Variants in CNOT1 observed in about 807,000 individuals in gnomAD.
The protein encoded by CNOT1 is CCR4-associated factor 1.
A neutral mutation model predicts 273.8 loss-of-function variants in CNOT1; 15 were observed. The observed-to-expected ratio is 0.05, with a 90% CI of 0.04 to 0.08. The LOEUF (loss-of-function observed/expected upper bound fraction) is 0.08. Ranked by LOEUF, CNOT1 falls within the 10% of genes least tolerant of loss-of-function variation. The pLI is 1.00. For synonymous variants in CNOT1, 1,022 were observed against 1,005.5 expected (o/e 1.02, Z -0.31); for missense variants, 1,644 against 2,912.2 (o/e 0.56, Z 10.02).
intron 7 of CNOT1, among the ~76,000 whole-genome samples, chr16:58,585,927 AC>A (rs937134824): frequency 6.6e-6 from 1 of 152,104 alleles, no homozygotes; most frequent in African/African-American, 2.4e-5. Flanking sequence ...AACTCTATAA[AC>A]ATTAAGAAGT....
chr16:58,626,754 C>T (rs147966013), intron 1 of CNOT1, among the ~76,000 whole-genome samples: 14,063 of 142,472 alleles, frequency 0.099, 857 homozygotes, highest in Non-Finnish European at 0.13. Context: ...GGTGAGACTC[C>T]GTCTCAAAAA....
Position 58,578,690 on chromosome 16 carries a change from A to G in CNOT1, c.1584+9T>C. 6.2e-7 allele frequency: 1 copy of G among 1,612,318 alleles called. No individual in the cohort carries two copies. The highest frequency in any genetic ancestry group is 2.2e-5 in the East Asian group (1 of 44,846). ...ATGAAAAAATGGTAAGCACACGGTCACATCTTACCTGCCCATGCCATGCAT... is the reference window on the plus strand; with the variant it reads ...ATGAAAAAATGGTAAGCACACGGTCGCATCTTACCTGCCCATGCCATGCAT... On this transcript the variant is annotated intron_variant, in intron 13 of 48. Coordinates refer to ENST00000317147, the MANE Select transcript of CNOT1 (RefSeq NM_016284.5).
At chr16:58,552,941 T>C (rs1257201509) in intron 22 of CNOT1, among the ~76,000 whole-genome samples, 7 of 152,192 alleles carry the variant, frequency 4.6e-5, no homozygotes, top group Admixed American at 4.6e-4. Context: ...AAAATGTATA[T>C]TCCTTACGTC....
At chr16:58,597,585 A>C (rs148756177) in intron 2 of CNOT1, 472 of 344,050 alleles carry the variant, frequency 1.4e-3, no homozygotes, top group Non-Finnish European at 2.0e-3. Flanking sequence ...ACTTTCAGCT[A>C]TCTTCAGGTT....
intron 15 of CNOT1, 104 bp downstream of exon 15, chr16:58,574,903 T>C: frequency 1.3e-6 from 2 of 1,558,000 alleles, no homozygotes; most frequent in Non-Finnish European, 1.7e-6. Flanking sequence ...CTTTCAAATT[T>C]TTCTTTAGTT....
chr16:58,565,591 C>A (rs748878715), intron 16 of CNOT1, among the ~76,000 whole-genome samples: 19 of 152,178 alleles, frequency 1.2e-4, no homozygotes, highest in Non-Finnish European at 2.1e-4. Flanking sequence ...CTCTTCAGGT[C>A]ATTTAATCTG....
At chr16:58,578,983 G>A (rs372672968) in intron 12 of CNOT1, 44 bp from the exon 13 acceptor site, 196 of 1,597,096 alleles carry the variant, frequency 1.2e-4, no homozygotes, top group Non-Finnish European at 1.6e-4. Flanking sequence ...GAAAATCCAA[G>A]TATACAGATT....
chr16:58,616,933 T>C (rs889546338), intron 1 of CNOT1, among the ~76,000 whole-genome samples: 3 of 152,138 alleles, frequency 2.0e-5, no homozygotes, highest in Admixed American at 2.0e-4. Flanking sequence ...ATAAACCTAA[T>C]GAGAAATCTG....
chr16:58,537,754 C>G (rs2039968975), intron 38 of CNOT1, 137 bp downstream of exon 38: 1 of 1,134,176 alleles, frequency 8.8e-7, no homozygotes, highest in South Asian at 1.5e-5. Context: ...ACAATATTAG[C>G]CCTTACCAAA....
chr16:58,553,292 A>G (rs2040516264), intron 22 of CNOT1, among the ~76,000 whole-genome samples: 1 of 152,136 alleles, frequency 6.6e-6, no homozygotes, highest in Admixed American at 6.5e-5. Context: ...AAAGAAAAAC[A>G]AAACAAAAAC....
At chr16:58,566,118 T>A (rs1173802466) in intron 16 of CNOT1, among the ~76,000 whole-genome samples, 1 of 152,238 alleles carries the variant, frequency 6.6e-6, no homozygotes, top group Non-Finnish European at 1.5e-5. Context: ...CTTTGATCAG[T>A]AGACTAACAT....
chr16:58,551,038 A>C lies in CNOT1; in HGVS notation c.3342+94T>G. On this transcript the variant is annotated intron_variant, in intron 24 of 48. Transcript: ENST00000317147. Reference sequence around the variant, plus strand: ...TATTCCCTTTGAGTTTATTACCTCTACCTTTAAAGTGAGTATGTAAAAGGG... The same window carrying C: ...TATTCCCTTTGAGTTTATTACCTCTCCCTTTAAAGTGAGTATGTAAAAGGG... The C allele has an allele frequency of 1.9e-6, 3 of 1,549,520 alleles. No individual in the cohort carries two copies. The South Asian group carries it at 3.8e-5, about 20-fold the overall frequency.
chr16:58,625,299 G>A (rs1054275840), intron 1 of CNOT1, among the ~76,000 whole-genome samples: 12 of 151,888 alleles, frequency 7.9e-5, no homozygotes, highest in African/African-American at 1.4e-4. Flanking sequence ...GATCACCTGA[G>A]GTCAGGAGTT....
At position 58,556,856 on chromosome 16, in the gene CNOT1, T is replaced by C; in HGVS notation, c.2470A>G (p.Met824Val). 6.2e-7 allele frequency: 1 copy of C among 1,613,330 alleles called. No homozygotes were observed. Among genetic ancestry groups the C allele is most frequent in the Non-Finnish European group, 8.5e-7 (1 of 1,179,756 alleles). Reference protein sequence around the residue: ...LNQPTFQQSKMKPSDLSQVWP... With the variant: ...LNQPTFQQSKVKPSDLSQVWP... The stretch of plus-strand genomic sequence containing the variant: ...CAACACTACCACTTACAAGGTTTCA[T>C]CTTACTCTGCTGGAATGTAGGCTGA... The change falls in exon 19 of 49, where the codon ATG (methionine) becomes GTG (valine). Residue 824 changes from methionine to valine, a missense_variant. Physicochemically the swap from Met to Val is conservative, Grantham distance 21. Around this residue, in one of 13 missense-constraint regions of CNOT1, gnomAD observed 706 missense variants for 1,021.2 expected, o/e 0.69. Coordinates refer to ENST00000317147, the MANE Select transcript of CNOT1 (RefSeq NM_016284.5).
chr16:58,521,469 A>G, intron 47 of CNOT1, 152 bp from the exon 48 acceptor site: 1 of 722,214 alleles, frequency 1.4e-6, no homozygotes, highest in South Asian at 1.9e-5. Flanking sequence ...ATATACTCCA[A>G]ATAGCACAGG....
chr16:58,577,442 AAACTAACTGAATGACCTAG>A (rs1486570028), intron 13 of CNOT1, among the ~76,000 whole-genome samples: 1 of 152,202 alleles, frequency 6.6e-6, no homozygotes, highest in African/African-American at 2.4e-5. Flanking sequence ...AAAGGAGGGG[AAACTAACTGAATGACCTAG>A]AACTAAGGCT....
In CNOT1 at chr16:58,556,863, C is replaced by A; in HGVS notation, c.2463G>T (p.Gln821His). The A allele has an allele frequency of 1.2e-6, 2 of 1,613,726 alleles. No individual in the cohort carries two copies. The highest frequency in any genetic ancestry group is 1.7e-6 in the Non-Finnish European group (2 of 1,179,868). Reference sequence around the variant, plus strand: ...ACCACTTACAAGGTTTCATCTTACTCTGCTGGAATGTAGGCTGATTCAGTC... The same window carrying A: ...ACCACTTACAAGGTTTCATCTTACTATGCTGGAATGTAGGCTGATTCAGTC... ...TSGLNQPTFQ[Q>H]SKMKPSDLSQ... Residue 821 changes from glutamine to histidine, a missense_variant, in exon 19 of 49, where the codon CAG becomes CAT. Physicochemically the swap from Gln to His is conservative, Grantham distance 24. Transcript: ENST00000317147.
At chr16:58,530,166 A>C (rs759778381) in intron 43 of CNOT1, 80 bp downstream of exon 43, 17 of 1,187,200 alleles carry the variant, frequency 1.4e-5, no homozygotes, top group Admixed American at 2.2e-5. Context: ...TAATAAAAAC[A>C]AAATAAGGCC....
chr16:58,521,413 G>A lies in CNOT1; in HGVS notation c.6918-96C>T, dbSNP rs1233613522. 10 of 1,284,668 alleles carry A rather than the reference G, an allele frequency of 7.8e-6. No homozygotes were observed. In the Admixed American group the frequency reaches 9.2e-5, roughly 12 times the overall value. 79.6% of individuals were successfully genotyped at this position (1,284,668 alleles called of 1,614,324 possible). A position where few individuals can be genotyped will look rare whatever the true frequency, so the allele number is the denominator to read the frequency against. On this transcript the variant is annotated intron_variant, in intron 47 of 48. Coordinates refer to ENST00000317147, the MANE Select transcript of CNOT1 (RefSeq NM_016284.5). Reference sequence around the variant, plus strand: ...TTTTTCTAACTTCTCCCTGACTATTGAACCACATGCAAAAGTTTTCACCTT... The same window carrying A: ...TTTTTCTAACTTCTCCCTGACTATTAAACCACATGCAAAAGTTTTCACCTT...
Sources: gnomAD v4.1 joint callset for allele counts (sites outside exome capture counted in the v4.1 genomes callset) on GRCh38, gnomAD v4.1.1 for gene constraint, gnomAD v4.1.1 regional missense constraint, MANE v1.5 for transcripts, NCBI Gene and HGNC (gene_info 2026-07-23, HGNC 2026-07-21) for gene names.